Variants in SORBS2 observed in about 807,000 individuals in gnomAD.
SORBS2 encodes the protein sorbin and SH3 domain containing 2.
In SORBS2, 46 loss-of-function variants were observed where a neutral mutation model predicts 97.7. The observed-to-expected ratio is 0.47, with a 90% CI of 0.37 to 0.60. The LOEUF (loss-of-function observed/expected upper bound fraction) is 0.60, where lower values mean the gene tolerates loss of function less well. Ranked by LOEUF, SORBS2 falls within the 20% of genes least tolerant of loss-of-function variation. SORBS2 has a pLI of 0.00. For synonymous variants in SORBS2, 476 were observed against 473.4 expected (o/e 1.01, Z -0.07); for missense variants, 1,316 against 1,282.3 (o/e 1.03, Z -0.40).
Position 185,611,821 on chromosome 4 carries a change from TG to T in SORBS2, c.2754del (p.His918GlnfsTer11). On this transcript the variant is annotated frameshift_variant, in exon 12 of 15. Coordinates refer to ENST00000418609, the Ensembl canonical transcript of SORBS2. LOFTEE classifies it high-confidence loss of function. The stretch of plus-strand genomic sequence containing the variant: ...CTGTGAATCCTATCACTAGAATAGC[TG>T]TGGGGTATTGGAGGGTCAGGGTAGT... 1.2e-6 allele frequency: 2 copies of T among 1,614,118 alleles called. No homozygotes were observed. Among genetic ancestry groups the T allele is most frequent in the Non-Finnish European group, 1.7e-6 (2 of 1,179,984 alleles).
At chr4:185,880,358 G>A (rs1278887544) in intron 1 of SORBS2, among the ~76,000 whole-genome samples, 1 of 152,184 alleles carries the variant, frequency 6.6e-6, no homozygotes, top group Non-Finnish European at 1.5e-5. Flanking sequence ...GTTAGCAAAT[G>A]CCTTTGAATT....
At chr4:185,877,598 G>T (rs1168153224) in intron 1 of SORBS2, among the ~76,000 whole-genome samples, 1 of 152,110 alleles carries the variant, frequency 6.6e-6, no homozygotes, top group East Asian at 1.9e-4. Context: ...CAGGCATGGT[G>T]GCTCACACCT....
chr4:185,953,757 C>A (rs1239791810), intron 1 of SORBS2, among the ~76,000 whole-genome samples: 1 of 152,200 alleles, frequency 6.6e-6, no homozygotes. Flanking sequence ...TTTATCACAC[C>A]TTTATAATTA....
chr4:185,735,351 C>T (rs901145164), intron 2 of SORBS2, among the ~76,000 whole-genome samples: 6 of 150,960 alleles, frequency 4.0e-5, no homozygotes, highest in East Asian at 2.0e-4. Flanking sequence ...CTAGGAGATT[C>T]GCTTCCATTG....
chr4:185,727,993 T>C (rs905578579), intron 2 of SORBS2, among the ~76,000 whole-genome samples: 3 of 152,194 alleles, frequency 2.0e-5, no homozygotes, highest in African/African-American at 7.2e-5. Flanking sequence ...CTATACATGG[T>C]CAATTTCTTA....
intron 2 of SORBS2, among the ~76,000 whole-genome samples, chr4:185,696,538 C>G (rs1279227124): frequency 6.6e-6 from 1 of 152,180 alleles, no homozygotes; most frequent in Non-Finnish European, 1.5e-5. Context: ...ACTGCAACCT[C>G]TGCCTCCCGG....
intron 13 of SORBS2, among the ~76,000 whole-genome samples, chr4:185,591,205 C>A (rs1299535931): frequency 6.6e-6 from 1 of 152,194 alleles, no homozygotes; most frequent in African/African-American, 2.4e-5. Flanking sequence ...GAATGCCTAA[C>A]AACATCCCCT....
At chr4:185,778,388 C>T (rs961271064) in intron 1 of SORBS2, among the ~76,000 whole-genome samples, 1 of 152,140 alleles carries the variant, frequency 6.6e-6, no homozygotes, top group Admixed American at 6.6e-5. Flanking sequence ...TTGGGCCTTG[C>T]TTCTTAAAAA....
intron 2 of SORBS2, among the ~76,000 whole-genome samples, chr4:185,742,463 C>T (rs758591569): frequency 5.3e-5 from 8 of 152,180 alleles, no homozygotes; most frequent in Non-Finnish European, 7.3e-5. Context: ...AAATATCCAT[C>T]GAGCACCTAC....
intron 4 of SORBS2, 137 bp from the exon 15 acceptor site, chr4:185,638,299 A>G (rs753243760): frequency 4.5e-6 from 3 of 662,752 alleles, no homozygotes; most frequent in Non-Finnish European, 8.2e-6. Flanking sequence ...CCTCAGCAGG[A>G]GAGAACGGAG....
intron 1 of SORBS2, among the ~76,000 whole-genome samples, chr4:185,792,254 G>A (rs1446506299): frequency 5.9e-5 from 9 of 152,218 alleles, no homozygotes; most frequent in Non-Finnish European, 1.3e-4. Context: ...CAGCACTCGG[G>A]AGGCCAAGAT....
intron 1 of SORBS2, among the ~76,000 whole-genome samples, chr4:185,873,140 G>A (rs979342161): frequency 1.3e-5 from 2 of 152,174 alleles, no homozygotes; most frequent in Non-Finnish European, 2.9e-5. Flanking sequence ...TCACCCAGAT[G>A]AAGACTTACA....
Position 185,818,184 on chromosome 4 carries a change from G to GTGTT in SORBS2, c.-337-42822_-337-42819dup, listed in dbSNP as rs368500173. 1.9e-4 allele frequency among the ~76,000 whole-genome samples: 29 copies of GTGTT among 152,172 alleles called. No individual in the cohort carries two copies. The East Asian group carries it at 1.9e-3, about 10-fold the overall frequency. On this transcript the variant is annotated intron_variant, in intron 1 of 20. Transcript: ENST00000284776. ...ACCCAGGTCAGAATTCAGTGCCTAT[G>GTGTT]TGTTTGTTTGTTTGTTTGTTTTTGA...
chr4:185,672,076 G>A (rs1037490988), intron 4 of SORBS2, among the ~76,000 whole-genome samples: 5 of 152,182 alleles, frequency 3.3e-5, no homozygotes, highest in African/African-American at 1.2e-4. Flanking sequence ...CCATACTAAT[G>A]GAAGACATCA....
At chr4:185,865,271 C>T (rs1005985154) in intron 1 of SORBS2, among the ~76,000 whole-genome samples, 2 of 152,128 alleles carry the variant, frequency 1.3e-5, no homozygotes, top group South Asian at 2.1e-4. Flanking sequence ...AACAGCGCAC[C>T]GCGGCCCCCT....
At chr4:185,816,387 T>G (rs2099193256) in intron 1 of SORBS2, among the ~76,000 whole-genome samples, 1 of 148,514 alleles carries the variant, frequency 6.7e-6, no homozygotes, top group Non-Finnish European at 1.5e-5. Flanking sequence ...TAGCAAAGAC[T>G]TTTGTAAAGC....
At chr4:185,829,431 T>G (rs1477520222) in intron 1 of SORBS2, among the ~76,000 whole-genome samples, 2 of 152,218 alleles carry the variant, frequency 1.3e-5, no homozygotes. Context: ...CAGGATTTTT[T>G]TTCAGTACCA....
intron 2 of SORBS2, among the ~76,000 whole-genome samples, chr4:185,687,412 C>A (rs1359761350): frequency 6.6e-6 from 1 of 152,146 alleles, no homozygotes; most frequent in Non-Finnish European, 1.5e-5. Context: ...CAGTGTGCAA[C>A]AGGCACACAC....
At chr4:185,781,693 A>G (rs1195286493) in intron 1 of SORBS2, among the ~76,000 whole-genome samples, 1 of 122,244 alleles carries the variant, frequency 8.2e-6, no homozygotes, top group Non-Finnish European at 1.9e-5. Context: ...CCTCCCTTCC[A>G]TTGCCTCCGG....
Sources: gnomAD v4.1 joint callset for allele counts (sites outside exome capture counted in the v4.1 genomes callset) on GRCh38, gnomAD v4.1.1 for gene constraint, MANE v1.5 for transcripts, NCBI Gene and HGNC (gene_info 2026-07-23, HGNC 2026-07-21) for gene names.